Variants in EFCAB5 observed in about 807,000 individuals in gnomAD.
The protein encoded by EFCAB5 is EF-hand calcium binding domain 5.
In EFCAB5, 131 loss-of-function variants were observed where a neutral mutation model predicts 167.9. The observed-to-expected ratio is 0.78, with a 90% CI of 0.68 to 0.90. The LOEUF is 0.90. EFCAB5 is among the 40% of genes least tolerant of loss of function. The probability of loss-of-function intolerance (pLI) is 0.00; values close to 1 mark genes in which losing one functional copy is unlikely to be tolerated. For missense variants in EFCAB5, 1,663 were observed against 1,745.2 expected (o/e 0.95, Z 0.84); for synonymous variants, 574 against 602.8 (o/e 0.95, Z 0.70).
chr17:29,943,560 C>A lies in EFCAB5; in HGVS notation c.106-5C>A. 1 of 1,565,498 alleles carries A rather than the reference C, an allele frequency of 6.4e-7. No homozygotes were observed. The highest frequency in any genetic ancestry group is 1.2e-5 in the South Asian group (1 of 83,952). On this transcript the variant is annotated splice_region_variant and splice_polypyrimidine_tract_variant and intron_variant, in intron 2 of 22. Coordinates refer to ENST00000394835, the MANE Select transcript of EFCAB5 (RefSeq NM_198529.4). ...AAATTGGTGATTTTTTTCCTCTTTT[C>A]AAAGACCTTACAGAGTGTGCCAGAC...
At chr17:29,953,203 A>G (rs1286812261) in intron 3 of EFCAB5, among the ~76,000 whole-genome samples, 1 of 152,212 alleles carries the variant, frequency 6.6e-6, no homozygotes, top group Non-Finnish European at 1.5e-5. Context: ...TACAAAATCA[A>G]CGTACAAAAA....
At chr17:29,945,729 A>G (rs139583950) in intron 3 of EFCAB5, among the ~76,000 whole-genome samples, 4 of 152,238 alleles carry the variant, frequency 2.6e-5, no homozygotes, top group Admixed American at 2.6e-4. Flanking sequence ...CAGAAACATA[A>G]ACTGGGGAAA....
At chr17:30,091,054 C>T (rs1254776933) in intron 20 of EFCAB5, among the ~76,000 whole-genome samples, 2 of 152,164 alleles carry the variant, frequency 1.3e-5, no homozygotes, top group East Asian at 1.9e-4. Context: ...CAAATTGCCC[C>T]CAGTCACACA....
chr17:30,099,230 A>G (rs2071347060), intron 22 of EFCAB5, among the ~76,000 whole-genome samples: 1 of 152,162 alleles, frequency 6.6e-6, no homozygotes, highest in South Asian at 2.1e-4. Context: ...TTGTCATCCA[A>G]CTTTAAAGAT....
Position 30,056,172 on chromosome 17 carries a change from G to C in EFCAB5, c.2365+16G>C. ...AGGTTCACAGGTACATGTTAACAAT[G>C]AAAGTAGGAATAGATGGCAGTCCAA... is the stretch of plus-strand genomic sequence containing the variant. On this transcript the variant is annotated intron_variant, in intron 12 of 22. Coordinates refer to ENST00000394835, the MANE Select transcript of EFCAB5 (RefSeq NM_198529.4). 1 of 1,593,726 alleles carries C rather than the reference G, an allele frequency of 6.3e-7. No individual in the cohort carries two copies. The highest frequency in any genetic ancestry group is 8.6e-7 in the Non-Finnish European group (1 of 1,168,260).
intron 7 of EFCAB5, among the ~76,000 whole-genome samples, chr17:30,026,162 AG>A (rs2069317014): frequency 6.6e-6 from 1 of 151,898 alleles, no homozygotes; most frequent in African/African-American, 2.4e-5. Context: ...TAAAACTTAA[AG>A]TATAATAATA....
intron 8 of EFCAB5, 87 bp downstream of exon 8, chr17:30,034,472 G>C: frequency 6.7e-7 from 1 of 1,481,768 alleles, no homozygotes; most frequent in Non-Finnish European, 9.0e-7. Context: ...GCTGAGGCTG[G>C]TGGATTACTT....
intron 6 of EFCAB5, among the ~76,000 whole-genome samples, chr17:29,998,274 G>C (rs2068588625): frequency 6.6e-6 from 1 of 152,098 alleles, no homozygotes; most frequent in Non-Finnish European, 1.5e-5. Context: ...TTTTGAATGA[G>C]GGTACAGAAG....
chr17:29,942,214 A>G, intron 1 of EFCAB5, 26 bp from the exon 2 acceptor site: 1 of 1,559,556 alleles, frequency 6.4e-7, no homozygotes, highest in Non-Finnish European at 8.7e-7. Flanking sequence ...TTTGGATGCC[A>G]TTTACTAACA....
chr17:29,940,478 A>T (rs2067283583), upstream of EFCAB5, among the ~76,000 whole-genome samples: 2 of 152,214 alleles, frequency 1.3e-5, no homozygotes, highest in Admixed American at 6.5e-5. Context: ...AGTTGAATTT[A>T]TCTGAGTGCA....
chr17:29,957,746 T>G (rs1360255076), intron 3 of EFCAB5, among the ~76,000 whole-genome samples: 1 of 152,236 alleles, frequency 6.6e-6, no homozygotes, highest in Non-Finnish European at 1.5e-5. Flanking sequence ...GTATTTGGGT[T>G]GATTCCATGT....
intron 7 of EFCAB5, among the ~76,000 whole-genome samples, chr17:30,019,227 C>T (rs752545191): frequency 6.6e-6 from 1 of 151,988 alleles, no homozygotes; most frequent in Non-Finnish European, 1.5e-5. Flanking sequence ...AATATGTTTG[C>T]TCTTATTTAT....
At chr17:30,054,503 A>G (rs755844992) in intron 10 of EFCAB5, among the ~76,000 whole-genome samples, 58 of 152,164 alleles carry the variant, frequency 3.8e-4, no homozygotes, top group Non-Finnish European at 7.8e-4. Flanking sequence ...TTTTATTTCA[A>G]CTGTAAATGG....
chr17:30,037,166 G>A lies in EFCAB5; in HGVS notation c.1200+2781G>A, dbSNP rs148083587. Among the ~76,000 whole-genome samples, 181 of 152,318 alleles carry A rather than the reference G, an allele frequency of 1.2e-3. 6 individuals are homozygous for A. The East Asian group carries it at 0.031, about 26-fold the overall frequency. On this transcript the variant is annotated intron_variant, in intron 8 of 22. Transcript: ENST00000394835. ...ATGGCACTAAAGAGAAAGAGTAGCA[G>A]CTATAGAAGGTAGGGTGTAGGTAGA...
At chr17:30,022,115 CTGTT>C (rs1355760364) in intron 7 of EFCAB5, among the ~76,000 whole-genome samples, 4 of 152,136 alleles carry the variant, frequency 2.6e-5, no homozygotes, top group Non-Finnish European at 4.4e-5. Context: ...AGGTGATAAT[CTGTT>C]TGTTGACTGT....
intron 7 of EFCAB5, among the ~76,000 whole-genome samples, chr17:30,004,876 C>A (rs994631991): frequency 1.4e-5 from 2 of 143,398 alleles, no homozygotes; most frequent in Non-Finnish European, 3.0e-5. Flanking sequence ...ACCTCATGAT[C>A]TGCCTACCTC....
At chr17:30,008,731 C>G (rs7207368) in intron 7 of EFCAB5, among the ~76,000 whole-genome samples, 14,715 of 151,850 alleles carry the variant, frequency 0.097, 1,630 homozygotes, top group African/African-American at 0.27. Flanking sequence ...AATAATTGTG[C>G]AGATTTTTAA....
chr17:30,086,118 C>T (rs1466343658), intron 18 of EFCAB5, among the ~76,000 whole-genome samples: 1 of 152,088 alleles, frequency 6.6e-6, no homozygotes, highest in African/African-American at 2.4e-5. Context: ...GCCTCAACCT[C>T]CGGGGTAGCT....
At chr17:30,003,492 C>G (rs920361487) in intron 7 of EFCAB5, among the ~76,000 whole-genome samples, 2 of 151,328 alleles carry the variant, frequency 1.3e-5, no homozygotes, top group Non-Finnish European at 2.9e-5. Flanking sequence ...TTCAGCCTCC[C>G]GAAGTGCTGG....
Sources: allele counts gnomAD v4.1 joint callset (sites outside exome capture counted in the v4.1 genomes callset), GRCh38; gene constraint gnomAD v4.1.1; transcripts MANE v1.5; gene names NCBI Gene and HGNC (gene_info 2026-07-23, HGNC 2026-07-21).